The following ACKR1 variants were observed in gnomAD, a reference collection of about 807,000 sequenced individuals.
ACKR1 encodes the protein atypical chemokine receptor 1 (Duffy blood group).
Under a neutral mutation model 2.5 loss-of-function variants are expected in ACKR1, and 3 were observed. That is an observed-to-expected ratio of 1.18 (90% confidence interval 0.54 to 3.06). ACKR1 has a LOEUF of 3.06. Ranked by LOEUF, ACKR1 falls within the 30% of genes most tolerant of loss-of-function variation. The probability of loss-of-function intolerance (pLI) is 0.03; values close to 1 mark genes in which losing one functional copy is unlikely to be tolerated. For missense variants in ACKR1, 438 were observed against 395.2 expected (o/e 1.11, Z -0.92); for synonymous variants, 208 against 178.2 (o/e 1.17, Z -1.33).
At position 159,205,898 on chromosome 1, in the gene ACKR1, G is replaced by C. The variant is rs1650430713; in HGVS notation, c.459G>C (p.Leu153=). ...TGCTGCTAGGGTGCCATGCCTCCCTGGGCCACAGACTGGGTGCAGGCCAGG... is the reference window on the plus strand; with the variant it reads ...TGCTGCTAGGGTGCCATGCCTCCCTCGGCCACAGACTGGGTGCAGGCCAGG... The part of the protein sequence containing the change: ...QALLLGCHAS[L]GHRLGAGQVP... Residue 153 remains leucine, a synonymous_variant, in exon 2 of 2, where the codon CTG becomes CTC. Coordinates refer to ENST00000368122, the MANE Select transcript of ACKR1 (RefSeq NM_002036.4). The C allele has an allele frequency of 1.2e-6, 2 of 1,614,018 alleles. No homozygotes were observed. Among genetic ancestry groups the C allele is most frequent in the Non-Finnish European group, 8.5e-7 (1 of 1,179,986 alleles).
chr1:159,205,719 C>T lies in ACKR1; in HGVS notation c.280C>T (p.Pro94Ser). The change falls in exon 2 of 2, where the codon CCT becomes TCT. Residue 94 changes from proline (P) to serine (S), a missense_variant. By Grantham distance (74) the Pro-to-Ser change is moderately conservative. Transcript: ENST00000368122. ...ACCTCTCTTCCGCTGGCAGCTCTGC[C>T]CTGGCTGGCCTGTCCTGGCACAGCT... ...FRPLFRWQLC[P>S]GWPVLAQLAV... 6.2e-7 allele frequency: 1 copy of T among 1,614,052 alleles called. No homozygotes were observed. The highest frequency in any genetic ancestry group is 8.5e-7 in the Non-Finnish European group (1 of 1,179,892).
chr1:159,206,240 G>A lies in ACKR1; in HGVS notation c.801G>A (p.Arg267=), dbSNP rs756873872. ...GVVLGLDFLV[R]SKLLLLSTCL... ...TTCTAGGACTGGATTTCCTGGTGAG[G>A]TCCAAGCTGTTGCTGTTGTCAACAT... Residue 267 remains arginine, a synonymous_variant, in exon 2 of 2, where the codon AGG becomes AGA. Coordinates refer to ENST00000368122, the MANE Select transcript of ACKR1 (RefSeq NM_002036.4). 8 of 1,614,104 alleles carry A rather than the reference G, an allele frequency of 5.0e-6. No homozygotes were observed. In the East Asian group the frequency reaches 1.1e-4, roughly 22 times the overall value.
In ACKR1 at chr1:159,205,549, C is replaced by A. The variant is rs771374604; in HGVS notation, c.110C>A (p.Pro37Gln). 2 of 1,614,238 alleles carry A rather than the reference C, an allele frequency of 1.2e-6. No homozygotes were observed. Among genetic ancestry groups the A allele is most frequent in the South Asian group, 2.2e-5 (2 of 91,088 alleles). Reference sequence around the variant, plus strand: ...TCCTATGGTGTGAATGATTCCTTCCCAGATGGAGACTATGGTGCCAACCTG... The same window carrying A: ...TCCTATGGTGTGAATGATTCCTTCCAAGATGGAGACTATGGTGCCAACCTG... ...NSSYGVNDSF[P>Q]DGDYGANLEA... The change falls in exon 2 of 2, where the codon CCA (proline) becomes CAA (glutamine). Residue 37 changes from proline (P) to glutamine (Q), a missense_variant. Physicochemically the swap from Pro to Gln is moderately conservative, Grantham distance 76. Transcript: ENST00000368122.
chr1:159,205,164 T>G (rs1650398005), intron 1 of ACKR1, 184 bp downstream of exon 1: 1 of 750,916 alleles, frequency 1.3e-6, no homozygotes, highest in Non-Finnish European at 2.1e-6. Flanking sequence ...AGCTCCCTCT[T>G]GTGTCCCTCC....
chr1:159,206,123 C>T lies in ACKR1; in HGVS notation c.684C>T (p.Ala228=). The change falls in exon 2 of 2, where the codon GCC becomes GCT. Residue 228 remains alanine (A), a synonymous_variant. Coordinates refer to ENST00000368122, the MANE Select transcript of ACKR1 (RefSeq NM_002036.4). The part of the protein sequence containing the change: ...FVLLPLGLFG[A]KGLKKALGMG... Reference sequence around the variant, plus strand: ...TGTTGCCATTGGGTTTGTTTGGAGCCAAGGGGCTGAAGAAGGCATTGGGTA... The same window carrying T: ...TGTTGCCATTGGGTTTGTTTGGAGCTAAGGGGCTGAAGAAGGCATTGGGTA... The T allele has an allele frequency of 6.2e-7, 1 of 1,614,236 alleles. No individual in the cohort carries two copies. The highest frequency in any genetic ancestry group is 1.7e-5 in the Admixed American group (1 of 60,036).
chr1:159,205,105 C>G, intron 1 of ACKR1, 125 bp downstream of exon 1: 1 of 1,203,278 alleles, frequency 8.3e-7, no homozygotes, highest in Non-Finnish European at 1.2e-6. Context: ...TGCTTTTTTC[C>G]TCTTCCTTCA....
chr1:159,204,964 G>A lies in ACKR1; in HGVS notation c.5G>A (p.Gly2Glu). The change falls in exon 1 of 2, where the codon GGG becomes GAG. Residue 2 changes from glycine (G) to glutamate (E), a missense_variant. Coordinates refer to ENST00000368122, the MANE Select transcript of ACKR1 (RefSeq NM_002036.4). ...GGGCCTGAACCAAACGGTGCCATGGGGAACTGTCTGCACAGGGTGAGTATG... is the reference window on the plus strand; with the variant it reads ...GGGCCTGAACCAAACGGTGCCATGGAGAACTGTCTGCACAGGGTGAGTATG... MGNCLHRAELSP... is the reference protein window; with the variant it reads MENCLHRAELSP... The A allele has an allele frequency of 6.2e-7, 1 of 1,614,152 alleles. No individual in the cohort carries two copies. Among genetic ancestry groups the A allele is most frequent in the East Asian group, 2.2e-5 (1 of 44,860 alleles).
rs780964896 is a variant in ACKR1 at position 159,205,512 on chromosome 1, G to A, written c.73G>A (p.Val25Ile). The A allele has an allele frequency of 6.2e-7, 1 of 1,614,076 alleles. No homozygotes were observed. The highest frequency in any genetic ancestry group is 1.3e-5 in the African/African-American group (1 of 74,938). ...ENSSQLDFED[V>I]WNSSYGVNDS... ...CTCAAGTCAGCTGGACTTCGAAGATGTATGGAATTCTTCCTATGGTGTGAA... is the reference window on the plus strand; with the variant it reads ...CTCAAGTCAGCTGGACTTCGAAGATATATGGAATTCTTCCTATGGTGTGAA... The change falls in exon 2 of 2, where the codon GTA becomes ATA. Residue 25 changes from valine (V) to isoleucine (I), a missense_variant. By Grantham distance (29) the Val-to-Ile change is conservative. Coordinates refer to ENST00000368122, the MANE Select transcript of ACKR1 (RefSeq NM_002036.4).
chr1:159,204,891 T>C lies in ACKR1; in HGVS notation c.-69T>C. ...ATGGCCCTCATTAGTCCTTGGCTCT[T>C]ATCTTGGAAGCACAGGCGCTGACAG... On this transcript the variant is annotated 5_prime_UTR_variant, in exon 1 of 2. Coordinates refer to ENST00000368122, the MANE Select transcript of ACKR1 (RefSeq NM_002036.4). The C allele has an allele frequency of 1.2e-6, 2 of 1,603,220 alleles. No homozygotes were observed. Among genetic ancestry groups the C allele is most frequent in the African/African-American group, 1.3e-5 (1 of 74,806 alleles).
chr1:159,205,789 C>T lies in ACKR1; in HGVS notation c.350C>T (p.Ala117Val), dbSNP rs947362268. 6.2e-7 allele frequency: 1 copy of T among 1,613,978 alleles called. No homozygotes were observed. Among genetic ancestry groups the T allele is most frequent in the African/African-American group, 1.3e-5 (1 of 75,060 alleles). ...ALFSIVVPVLAPGLGSTRSSA... is the reference protein window; with the variant it reads ...ALFSIVVPVLVPGLGSTRSSA... ...TTCAGCATTGTGGTGCCCGTCTTGG[C>T]CCCAGGGCTAGGTAGCACTCGCAGC... Residue 117 changes from alanine to valine, a missense_variant, in exon 2 of 2, where the codon GCC (alanine) becomes GTC (valine). By Grantham distance (64) the Ala-to-Val change is moderately conservative (BLOSUM62 0). Coordinates refer to ENST00000368122, the MANE Select transcript of ACKR1 (RefSeq NM_002036.4).
In ACKR1 at chr1:159,205,970, T is replaced by C; in HGVS notation, c.531T>C (p.Ala177=). Residue 177 remains alanine (A), a synonymous_variant, in exon 2 of 2, where the codon GCT becomes GCC. Coordinates refer to ENST00000368122, the MANE Select transcript of ACKR1 (RefSeq NM_002036.4). The part of the protein sequence containing the change: ...LGLTVGIWGV[A]ALLTLPVTLA... ...TCACTGTGGGAATTTGGGGAGTGGC[T>C]GCCCTACTGACACTGCCTGTCACCC... The C allele has an allele frequency of 1.9e-6, 3 of 1,614,058 alleles. No individual in the cohort carries two copies. The highest frequency in any genetic ancestry group is 2.5e-6 in the Non-Finnish European group (3 of 1,179,956).
rs200531663 is a variant in ACKR1 at position 159,206,271 on chromosome 1, G to T, written c.832G>T (p.Ala278Ser). ...SKLLLLSTCL[A>S]QQALDLLLNL... ...GCTGTTGCTGTTGTCAACATGTCTG[G>T]CCCAGCAGGCTCTGGACCTGCTGCT... Residue 278 changes from alanine to serine, a missense_variant, in exon 2 of 2, where the codon GCC becomes TCC. Transcript: ENST00000368122. The T allele has an allele frequency of 1.9e-6, 3 of 1,614,092 alleles. No homozygotes were observed. Among genetic ancestry groups the T allele is most frequent in the Non-Finnish European group, 2.5e-6 (3 of 1,180,052 alleles).
chr1:159,205,793 A>G lies in ACKR1; in HGVS notation c.354A>G (p.Pro118=). ...LFSIVVPVLA[P]GLGSTRSSAL... ...GCATTGTGGTGCCCGTCTTGGCCCC[A>G]GGGCTAGGTAGCACTCGCAGCTCTG... Residue 118 remains proline (P), a synonymous_variant, in exon 2 of 2, where the codon CCA becomes CCG. Coordinates refer to ENST00000368122, the MANE Select transcript of ACKR1 (RefSeq NM_002036.4). The G allele has an allele frequency of 6.2e-7, 1 of 1,614,080 alleles. No individual in the cohort carries two copies. Among genetic ancestry groups the G allele is most frequent in the South Asian group, 1.1e-5 (1 of 91,058 alleles).
Position 159,205,472 on chromosome 1 carries a change from C to T in ACKR1, c.33C>T (p.Ser11=). Reference sequence around the variant, plus strand: ...GGTATGTCCTCCAGGCGGAGCTCTCCCCCTCAACTGAGAACTCAAGTCAGC... The same window carrying T: ...GGTATGTCCTCCAGGCGGAGCTCTCTCCCTCAACTGAGAACTCAAGTCAGC... MGNCLHRAEL[S]PSTENSSQLD... The change falls in exon 2 of 2, where the codon TCC becomes TCT. Residue 11 remains serine (S), a synonymous_variant. Transcript: ENST00000368122. The T allele has an allele frequency of 6.2e-7, 1 of 1,610,732 alleles. No individual in the cohort carries two copies. The highest frequency in any genetic ancestry group is 8.5e-7 in the Non-Finnish European group (1 of 1,178,016).
Position 159,206,334 on chromosome 1 carries a change from G to A in ACKR1, c.895G>A (p.Ala299Thr), listed in dbSNP as rs752428245. The change falls in exon 2 of 2, where the codon GCT (alanine) becomes ACT (threonine). Residue 299 changes from alanine to threonine, a missense_variant. By Grantham distance (58) the Ala-to-Thr change is moderately conservative. Transcript: ENST00000368122. Reference protein sequence around the residue: ...AEALAILHCVATPLLLALFCH... With the variant: ...AEALAILHCVTTPLLLALFCH... ...AGCCCTGGCAATTTTGCACTGTGTG[G>A]CTACGCCCCTGCTCCTCGCCCTATT... The A allele has an allele frequency of 8.7e-6, 14 of 1,614,224 alleles. No individual in the cohort carries two copies. Among genetic ancestry groups the A allele is most frequent in the South Asian group, 5.5e-5 (5 of 91,084 alleles).
rs749827595 is a variant in ACKR1, at chr1:159,206,389, C to A, written c.950C>A (p.Pro317His). ...FCHQATRTLL[P>H]SLPLPEGWSS... The stretch of plus-strand genomic sequence containing the variant: ...CACCAGGCCACCCGCACCCTCTTGC[C>A]CTCTCTGCCCCTCCCTGAAGGATGG... Residue 317 changes from proline to histidine, a missense_variant, in exon 2 of 2, where the codon CCC becomes CAC. Pro to His is a moderately conservative substitution (Grantham distance 77). Transcript: ENST00000368122. 1.2e-6 allele frequency: 2 copies of A among 1,614,234 alleles called. No individual in the cohort carries two copies. Among genetic ancestry groups the A allele is most frequent in the South Asian group, 2.2e-5 (2 of 91,084 alleles).
Position 159,205,628 on chromosome 1 carries a change from C to G in ACKR1, c.189C>G (p.Pro63=). The G allele has an allele frequency of 6.2e-7, 1 of 1,614,178 alleles. No individual in the cohort carries two copies. The highest frequency in any genetic ancestry group is 1.3e-5 in the African/African-American group (1 of 75,052). Residue 63 remains proline, a synonymous_variant, in exon 2 of 2, where the codon CCC becomes CCG. Transcript: ENST00000368122. Reference sequence around the variant, plus strand: ...ACCTGCTGGATGACTCTGCACTGCCCTTCTTCATCCTCACCAGTGTCCTGG... The same window carrying G: ...ACCTGCTGGATGACTCTGCACTGCCGTTCTTCATCCTCACCAGTGTCCTGG... ...SCNLLDDSAL[P]FFILTSVLGI... is the part of the protein sequence containing the mutation.
At position 159,206,158 on chromosome 1, in the gene ACKR1, G is replaced by C. The variant is rs769160977; in HGVS notation, c.719G>C (p.Gly240Ala). The C allele has an allele frequency of 6.2e-7, 1 of 1,614,236 alleles. No individual in the cohort carries two copies. The change falls in exon 2 of 2, where the codon GGC (glycine) becomes GCC (alanine). Residue 240 changes from glycine (G) to alanine (A), a missense_variant. Physicochemically the swap from Gly to Ala is moderately conservative, Grantham distance 60. Transcript: ENST00000368122. ...GLKKALGMGP[G>A]PWMNILWAWF... ...AAGAAGGCATTGGGTATGGGGCCAG[G>C]CCCCTGGATGAATATCCTGTGGGCC...
Position 159,205,703 on chromosome 1 carries a change from C to A in ACKR1, c.264C>A (p.Phe88Leu), listed in dbSNP as rs112071852. 5.3e-5 allele frequency: 85 copies of A among 1,614,112 alleles called. No individual in the cohort carries two copies. Among genetic ancestry groups the A allele is most frequent in the Non-Finnish European group, 7.1e-5 (84 of 1,180,056 alleles). Reference sequence around the variant, plus strand: ...TCTTCATGCTTTTCAGACCTCTCTTCCGCTGGCAGCTCTGCCCTGGCTGGC... The same window carrying A: ...TCTTCATGCTTTTCAGACCTCTCTTACGCTGGCAGCTCTGCCCTGGCTGGC... ...TVLFMLFRPL[F>L]RWQLCPGWPV... Residue 88 changes from phenylalanine (F) to leucine (L), a missense_variant, in exon 2 of 2, where the codon TTC (phenylalanine) becomes TTA (leucine). Physicochemically the swap from Phe to Leu is conservative, Grantham distance 22. Coordinates refer to ENST00000368122, the MANE Select transcript of ACKR1 (RefSeq NM_002036.4).
Sources: gnomAD v4.1 joint callset for allele counts on GRCh38, gnomAD v4.1.1 for gene constraint, MANE v1.5 for transcripts, NCBI Gene and HGNC (gene_info 2026-07-23, HGNC 2026-07-21) for gene names.